The following VPS8 variants were observed in gnomAD, a reference collection of about 807,000 sequenced individuals.
The protein encoded by VPS8 is vacuolar protein sorting-associated protein 8 homolog.
A neutral mutation model predicts 216.4 loss-of-function variants in VPS8; 129 were observed. That is an observed-to-expected ratio of 0.60 (90% CI 0.52 to 0.69). The LOEUF (loss-of-function observed/expected upper bound fraction) is 0.69, where lower values mean the gene tolerates loss of function less well. Among genes scored for constraint, VPS8 ranks in the 30% least tolerant of loss-of-function variants. The pLI is 0.00. For synonymous variants in VPS8, 571 were observed against 565.4 expected (o/e 1.01, Z -0.14); for missense variants, 1,531 against 1,683.5 (o/e 0.91, Z 1.59).
intron 45 of VPS8, among the ~76,000 whole-genome samples, chr3:185,021,388 C>T (rs1196620713): frequency 6.6e-6 from 1 of 152,192 alleles, no homozygotes; most frequent in Non-Finnish European, 1.5e-5. Context: ...GACTTAATCT[C>T]TAGAGAACAG....
At chr3:184,831,740 A>AT (rs780885545) in intron 3 of VPS8, among the ~76,000 whole-genome samples, 4 of 151,778 alleles carry the variant, frequency 2.6e-5, no homozygotes, top group Admixed American at 6.6e-5. Flanking sequence ...GAGACGTTTG[A>AT]TTTTTTCTCC....
At chr3:184,938,313 C>A (rs1466220400) in intron 35 of VPS8, among the ~76,000 whole-genome samples, 2 of 152,154 alleles carry the variant, frequency 1.3e-5, no homozygotes, top group Non-Finnish European at 2.9e-5. Flanking sequence ...TGCTCTGGGC[C>A]AAAAACATTA....
At position 184,852,546 on chromosome 3, in the gene VPS8, C is replaced by G. The variant is rs781726133; in HGVS notation, c.800C>G (p.Ser267Cys). The change falls in exon 11 of 48, where the codon TCT (serine) becomes TGT (cysteine). Residue 267 changes from serine to cysteine, a missense_variant. Ser to Cys is a moderately radical substitution (Grantham distance 112, BLOSUM62 -1). Transcript: ENST00000625842. ...TLAICNDSGGSVFELTFKRVM... is the reference protein window; with the variant it reads ...TLAICNDSGGCVFELTFKRVM... ...GCAATTTGCAACGACAGCGGAGGCT[C>G]TGTTTTTGAATTGACATTTAAGTAA... 1.2e-5 allele frequency: 19 copies of G among 1,613,588 alleles called. No homozygotes were observed. The highest frequency in any genetic ancestry group is 1.5e-5 in the Non-Finnish European group (18 of 1,179,688).
rs371523928 is a variant in VPS8 at position 184,984,144 on chromosome 3, A to G, written c.3585+1050A>G. Among the ~76,000 whole-genome samples the G allele has an allele frequency of 1.2e-3, 123 of 101,914 alleles. 2 individuals carry two copies. In the East Asian group the frequency reaches 0.033, roughly 27 times the overall value. 66.9% of individuals were successfully genotyped at this position (101,914 alleles called of 152,430 possible). A position where few individuals can be genotyped will look rare whatever the true frequency, so the allele number is the denominator to read the frequency against. On this transcript the variant is annotated intron_variant, in intron 42 of 47. Coordinates refer to ENST00000625842, the MANE Select transcript of VPS8 (RefSeq NM_001009921.3). ...GTTTGCAGTGAGCCGAGATCGAGCC[A>G]CTGCACTCCGGCCTGGGCAACAGAG...
At position 184,898,355 on chromosome 3, in the gene VPS8, A is replaced by G. The variant is rs574604713; in HGVS notation, c.2005-210A>G. ...CAAAATTAGACACTGTGAATGTCTT[A>G]AAGTAAGCGTTGTACTATTAAAAGT... On this transcript the variant is annotated intron_variant, in intron 23 of 47. Transcript: ENST00000625842. Among the ~76,000 whole-genome samples, 43 of 152,360 alleles carry G rather than the reference A, an allele frequency of 2.8e-4. No individual in the cohort carries two copies. In the South Asian group the frequency reaches 2.9e-3, roughly 10 times the overall value.
At position 184,933,817 on chromosome 3, in the gene VPS8, C is replaced by T. The variant is rs544226448; in HGVS notation, c.2899-2429C>T. ...TGTGTAGTCTGTTTCTCTGGGCCTTCTGTTCCATTGGTCTGTTTGTCCATC... is the reference window on the plus strand; with the variant it reads ...TGTGTAGTCTGTTTCTCTGGGCCTTTTGTTCCATTGGTCTGTTTGTCCATC... On this transcript the variant is annotated intron_variant, in intron 34 of 47. Transcript: ENST00000625842. Among the ~76,000 whole-genome samples the T allele has an allele frequency of 1.2e-4, 19 of 152,278 alleles. No individual in the cohort carries two copies. In the South Asian group the frequency reaches 1.5e-3, roughly 12 times the overall value.
intron 45 of VPS8, among the ~76,000 whole-genome samples, chr3:185,018,258 T>C (rs1425292002): frequency 6.6e-6 from 1 of 152,252 alleles, no homozygotes. Context: ...CAGCCGGATC[T>C]GCAATCACCT....
chr3:184,990,029 C>T (rs953331672), intron 42 of VPS8, among the ~76,000 whole-genome samples: 4 of 151,974 alleles, frequency 2.6e-5, no homozygotes, highest in African/African-American at 9.7e-5. Flanking sequence ...GCCGAGACCA[C>T]GCCACTGCAC....
intron 22 of VPS8, among the ~76,000 whole-genome samples, chr3:184,890,878 T>C (rs1194348393): frequency 6.7e-6 from 1 of 149,686 alleles, no homozygotes. Flanking sequence ...GTTTTGTGTA[T>C]TTTTTTTTCA....
chr3:185,016,543 T>C (rs1391972517), intron 45 of VPS8, among the ~76,000 whole-genome samples: 1 of 152,178 alleles, frequency 6.6e-6, no homozygotes, highest in Non-Finnish European at 1.5e-5. Context: ...CTGCAGGAAT[T>C]GTAAATGCAA....
At chr3:185,039,461 G>A (rs953742167) in intron 46 of VPS8, among the ~76,000 whole-genome samples, 2 of 151,818 alleles carry the variant, frequency 1.3e-5, no homozygotes, top group African/African-American at 2.4e-5. Context: ...CAGAGATCAC[G>A]TTGTTACCAA....
intron 44 of VPS8, among the ~76,000 whole-genome samples, chr3:184,997,660 T>G (rs1385483106): frequency 6.6e-6 from 1 of 151,964 alleles, no homozygotes; most frequent in Admixed American, 6.6e-5. Flanking sequence ...AGCCAACAAG[T>G]GAAATGCCAG....
chr3:184,833,009 C>G (rs905646522), intron 4 of VPS8, among the ~76,000 whole-genome samples, 190 bp downstream of exon 4: 13 of 152,078 alleles, frequency 8.5e-5, no homozygotes, highest in African/African-American at 3.1e-4. Flanking sequence ...TGACCACAGT[C>G]TGAACTCTCG....
chr3:184,982,440 C>T, intron 40 of VPS8, 126 bp from the exon 41 acceptor site: 2 of 557,064 alleles, frequency 3.6e-6, no homozygotes, highest in South Asian at 2.7e-5. Context: ...CTAATGTTTA[C>T]CAACAAATGT....
At chr3:184,976,619 C>T (rs1216140622) in intron 40 of VPS8, among the ~76,000 whole-genome samples, 1 of 151,718 alleles carries the variant, frequency 6.6e-6, no homozygotes, top group Admixed American at 6.6e-5. Context: ...CTCTTATCCC[C>T]CTCCTTCCTT....
At chr3:184,876,004 G>A (rs58372765) in intron 21 of VPS8, among the ~76,000 whole-genome samples, 48 of 149,858 alleles carry the variant, frequency 3.2e-4, no homozygotes, top group African/African-American at 1.1e-3. Context: ...AAAAAAAAAA[G>A]AGTTGTCTCC....
chr3:184,865,222 A>G (rs1202081037), intron 16 of VPS8, among the ~76,000 whole-genome samples: 2 of 152,220 alleles, frequency 1.3e-5, no homozygotes, highest in African/African-American at 4.8e-5. Context: ...TCTCTAAAGG[A>G]GAGAAGAAAT....
chr3:184,958,985 TCTC>T (rs1746060138), intron 37 of VPS8, among the ~76,000 whole-genome samples: 1 of 152,196 alleles, frequency 6.6e-6, no homozygotes, highest in African/African-American at 2.4e-5. Context: ...TTTTTAAAAA[TCTC>T]CTCTGCTGAA....
chr3:184,920,531 C>G (rs578055551), intron 29 of VPS8, among the ~76,000 whole-genome samples: 22 of 152,300 alleles, frequency 1.4e-4, no homozygotes, highest in African/African-American at 5.3e-4. Flanking sequence ...TATGGAGAAT[C>G]TTCCTGTGTC....
Sources: gnomAD v4.1 joint callset for allele counts (sites outside exome capture counted in the v4.1 genomes callset) on GRCh38, gnomAD v4.1.1 for gene constraint, MANE v1.5 for transcripts, NCBI Gene and HGNC (gene_info 2026-07-23, HGNC 2026-07-21) for gene names.